Variants in GALNT17 observed in about 807,000 individuals in gnomAD.
GALNT17 encodes UDP-GalNAc:polypeptide N-acetylgalactosaminyltransferase-like 3.
A neutral mutation model predicts 63.7 loss-of-function variants in GALNT17; 29 were observed. The observed-to-expected ratio is 0.46, with a 90% CI of 0.34 to 0.62. GALNT17 has a LOEUF of 0.62. GALNT17 is among the 20% of genes least tolerant of loss of function. The pLI is 0.01. For synonymous variants in GALNT17, 305 were observed against 318.3 expected, an observed-to-expected ratio of 0.96 and a Z score of 0.45; for missense variants, 603 against 799.6, an observed-to-expected ratio of 0.75 and a Z score of 2.97.
rs1787714023 is a variant in GALNT17 at position 71,133,010 on chromosome 7, C to T, written c.208C>T (p.Leu70=). 1 of 1,593,912 alleles carries T rather than the reference C, an allele frequency of 6.3e-7. No homozygotes were observed. The highest frequency in any genetic ancestry group is 1.7e-5 in the Admixed American group (1 of 58,844). ...TGCGGTCCTGAAGCGCCTGTCGCTG[C>T]TGGAGGACATCGTGTACCGGCAGCT... ...QDAVLKRLSL[L]EDIVYRQLNG... The change falls in exon 1 of 11, where the codon CTG becomes TTG. Residue 70 remains leucine, a synonymous_variant. Transcript: ENST00000333538.
In GALNT17 at chr7:71,336,654, G is replaced by A. The variant is rs150341449; in HGVS notation, c.422+921G>A. On this transcript the variant is annotated intron_variant, in intron 2 of 10. Transcript: ENST00000333538. Reference sequence around the variant, plus strand: ...CAATGGCCTCCAACTCCAGGTTGCCGCAAAGGACATGATGTCATTCTTGTT... The same window carrying A: ...CAATGGCCTCCAACTCCAGGTTGCCACAAAGGACATGATGTCATTCTTGTT... Among the ~76,000 whole-genome samples, 65 of 152,242 alleles carry A rather than the reference G, an allele frequency of 4.3e-4. No individual in the cohort carries two copies. The Middle Eastern group carries it at 0.014, about 32-fold the overall frequency.
chr7:71,533,421 C>T (rs1291763305), intron 5 of GALNT17, among the ~76,000 whole-genome samples: 1 of 152,140 alleles, frequency 6.6e-6, no homozygotes, highest in African/African-American at 2.4e-5. Flanking sequence ...ATTCTCTTTC[C>T]CTTGCTTTGC....
At chr7:71,381,659 A>G (rs951804177) in intron 2 of GALNT17, among the ~76,000 whole-genome samples, 3 of 152,110 alleles carry the variant, frequency 2.0e-5, no homozygotes, top group African/African-American at 7.2e-5. Flanking sequence ...CATGCCTGTA[A>G]TCCCAGCTAA....
intron 6 of GALNT17, among the ~76,000 whole-genome samples, chr7:71,639,389 T>A (rs1790573171): frequency 6.6e-6 from 1 of 152,218 alleles, no homozygotes; most frequent in Non-Finnish European, 1.5e-5. Flanking sequence ...TAACCATCTG[T>A]GGAGGCCCCA....
intron 2 of GALNT17, among the ~76,000 whole-genome samples, chr7:71,336,016 TC>T: frequency 3.5e-5 from 1 of 28,954 alleles, no homozygotes. Flanking sequence ...TCCTTCTTCT[TC>T]CTTCTTCTTT....
chr7:71,531,872 GAA>G (rs1296243712), intron 5 of GALNT17, among the ~76,000 whole-genome samples: 10 of 152,322 alleles, frequency 6.6e-5, no homozygotes, highest in Non-Finnish European at 1.0e-4. Context: ...CACTGGCATT[GAA>G]AGGCTGAAAG....
intron 1 of GALNT17, among the ~76,000 whole-genome samples, chr7:71,271,272 C>T (rs1036519866): frequency 3.9e-5 from 6 of 152,208 alleles, no homozygotes; most frequent in Admixed American, 6.5e-5. Flanking sequence ...ATTCCTGTCA[C>T]GCGCCTTCCA....
At chr7:71,494,271 A>G (rs114882429) in intron 5 of GALNT17, among the ~76,000 whole-genome samples, 10,344 of 151,926 alleles carry the variant, frequency 0.068, 404 homozygotes, top group South Asian at 0.15. Flanking sequence ...CCATGATCCA[A>G]TCACCTCCCA....
chr7:71,336,264 C>T lies in GALNT17; in HGVS notation c.422+531C>T, dbSNP rs561517180. On this transcript the variant is annotated intron_variant, in intron 2 of 10. Transcript: ENST00000333538. ...TTTATGCCTTTGGTCAGGCTGATCTCGAACTCCTGACCTCAGGTGATCTGC... is the reference window on the plus strand; with the variant it reads ...TTTATGCCTTTGGTCAGGCTGATCTTGAACTCCTGACCTCAGGTGATCTGC... Among the ~76,000 whole-genome samples the T allele has an allele frequency of 2.6e-5, 4 of 152,180 alleles. No individual in the cohort carries two copies. In the East Asian group the frequency reaches 5.8e-4, roughly 22 times the overall value.
chr7:71,486,186 G>A (rs1195980463), intron 5 of GALNT17, among the ~76,000 whole-genome samples: 4 of 151,818 alleles, frequency 2.6e-5, no homozygotes, highest in African/African-American at 4.8e-5. Flanking sequence ...AAAATTTGCC[G>A]GGCGTGGTGG....
At position 71,189,161 on chromosome 7, in the gene GALNT17, T is replaced by C. The variant is rs1452569428; in HGVS notation, c.238+56121T>C. ...GGCAGTGTCCCCCATACTATCCTCG[T>C]GGTAGTGAATAAATCTCATGAGATC... is the stretch of plus-strand genomic sequence containing the variant. On this transcript the variant is annotated intron_variant, in intron 1 of 10. Coordinates refer to ENST00000333538, the MANE Select transcript of GALNT17 (RefSeq NM_022479.3). Among the ~76,000 whole-genome samples the C allele has an allele frequency of 2.0e-5, 3 of 152,106 alleles. No individual in the cohort carries two copies. In the East Asian group the frequency reaches 5.8e-4, roughly 29 times the overall value.
chr7:71,315,012 G>C (rs897380688), intron 1 of GALNT17, among the ~76,000 whole-genome samples: 1 of 152,124 alleles, frequency 6.6e-6, no homozygotes, highest in African/African-American at 2.4e-5. Context: ...AACAAACATT[G>C]TACCCATTGG....
At chr7:71,272,324 A>G (rs1790608471) in intron 1 of GALNT17, among the ~76,000 whole-genome samples, 1 of 152,146 alleles carries the variant, frequency 6.6e-6, no homozygotes, top group Non-Finnish European at 1.5e-5. Context: ...GTTTTCATTT[A>G]CCTTGGGTAG....
chr7:71,612,855 C>T (rs1372417063), intron 6 of GALNT17, among the ~76,000 whole-genome samples: 4 of 152,158 alleles, frequency 2.6e-5, no homozygotes, highest in Admixed American at 6.5e-5. Flanking sequence ...ATGAACCATT[C>T]GGTTTTCGGT....
intron 9 of GALNT17, among the ~76,000 whole-genome samples, chr7:71,696,961 G>T (rs74454700): frequency 6.6e-6 from 1 of 152,120 alleles, no homozygotes; most frequent in Non-Finnish European, 1.5e-5. Context: ...GATTATGTAA[G>T]TTGGAAGAAT....
chr7:71,665,645 T>C, intron 7 of GALNT17, 49 bp downstream of exon 7: 4 of 1,556,686 alleles, frequency 2.6e-6, no homozygotes, highest in Non-Finnish European at 3.5e-6. Flanking sequence ...TGATCCTTAC[T>C]GTTTGATCAC....
chr7:71,552,856 T>C (rs1439058658), intron 5 of GALNT17, among the ~76,000 whole-genome samples: 3 of 152,160 alleles, frequency 2.0e-5, no homozygotes, highest in Non-Finnish European at 4.4e-5. Flanking sequence ...TTTCTGGCCT[T>C]TTGAGGTGGC....
intron 5 of GALNT17, among the ~76,000 whole-genome samples, chr7:71,434,829 T>C (rs1786929552): frequency 1.3e-5 from 2 of 152,166 alleles, no homozygotes; most frequent in African/African-American, 2.4e-5. Flanking sequence ...TGTAGATAAT[T>C]AATGTTTCAG....
At chr7:71,230,577 G>T (rs1351892513) in intron 1 of GALNT17, among the ~76,000 whole-genome samples, 1 of 152,210 alleles carries the variant, frequency 6.6e-6, no homozygotes, top group Non-Finnish European at 1.5e-5. Flanking sequence ...GGCCGGCATG[G>T]TGAGTGGTTG....
Sources: allele counts gnomAD v4.1 joint callset (sites outside exome capture counted in the v4.1 genomes callset), GRCh38; gene constraint gnomAD v4.1.1; transcripts MANE v1.5; gene names NCBI Gene and HGNC (gene_info 2026-07-23, HGNC 2026-07-21).